USP35: variants seen among roughly 807,000 people sequenced by gnomAD.
USP35 encodes ubiquitin carboxyl-terminal hydrolase 35.
In USP35, 69 loss-of-function variants were observed where a neutral mutation model predicts 83.8. That is an observed-to-expected ratio of 0.82 (90% CI 0.68 to 1.01). The LOEUF is 1.01. USP35 is among the 50% of genes least tolerant of loss of function. USP35 has a pLI of 0.00. For missense variants in USP35, 1,503 were observed against 1,362.5 expected, an observed-to-expected ratio of 1.10 and a Z score of -1.62; for synonymous variants, 714 against 589.5, an observed-to-expected ratio of 1.21 and a Z score of -3.06.
intron 1 of USP35, among the ~76,000 whole-genome samples, chr11:78,190,005 G>T (rs1862953023): frequency 6.6e-6 from 1 of 152,180 alleles, no homozygotes; most frequent in Admixed American, 6.5e-5. Flanking sequence ...GGGAGGGGCA[G>T]CCTGGTACCC....
At chr11:78,197,693 C>T (rs545423486) in intron 2 of USP35, among the ~76,000 whole-genome samples, 1 of 152,070 alleles carries the variant, frequency 6.6e-6, no homozygotes, top group South Asian at 2.1e-4. Flanking sequence ...GCCCTGAAAC[C>T]CACTCTTGAT....
intron 10 of USP35, 141 bp downstream of exon 10, chr11:78,210,885 G>A: frequency 1.1e-6 from 1 of 883,492 alleles, no homozygotes; most frequent in Non-Finnish European, 1.6e-6. Context: ...GTATATACTG[G>A]TGGCCCAGAC....
At position 78,214,441 on chromosome 11, in the gene USP35, C is replaced by T. The variant is rs531313470; in HGVS notation, c.*628C>T. On this transcript the variant is annotated 3_prime_UTR_variant, in exon 11 of 11. Coordinates refer to ENST00000529308, the MANE Select transcript of USP35 (RefSeq NM_020798.4). ...GGCCTTTGCCCCCACAGCCCCTCCA[C>T]GCCTGCCTCAGGGCCTGAGAAGCCA... The T allele has an allele frequency of 4.0e-3, 605 of 152,398 alleles. 3 individuals are homozygous for T. Among genetic ancestry groups the T allele is most frequent in the Non-Finnish European group, 6.4e-3 (440 of 68,384 alleles). The allele number at this position is 152,398 out of a possible 1,614,324, so 9.4% of individuals were successfully genotyped here. A position where few individuals can be genotyped will look rare whatever the true frequency, so the allele number is the denominator to read the frequency against.
intron 3 of USP35, 145 bp from the exon 4 acceptor site, chr11:78,199,450 G>C (rs1863267436): frequency 1.6e-6 from 2 of 1,230,340 alleles, no homozygotes. Flanking sequence ...AGCCATGTCT[G>C]GTTCAGCCCA....
intron 6 of USP35, among the ~76,000 whole-genome samples, chr11:78,203,412 G>T (rs775366749): frequency 6.6e-6 from 1 of 152,038 alleles, no homozygotes; most frequent in Middle Eastern, 3.2e-3. Flanking sequence ...TGCACCACTC[G>T]GCTAGATCTG....
intron 7 of USP35, 99 bp from the exon 8 acceptor site, chr11:78,207,431 G>T (rs1284333073): frequency 1.7e-6 from 2 of 1,186,892 alleles, no homozygotes; most frequent in Non-Finnish European, 2.4e-6. Flanking sequence ...TGTCTGTTCT[G>T]CCTTTGGCCT....
At chr11:78,198,230 G>A (rs1013397125) in intron 3 of USP35, among the ~76,000 whole-genome samples, 162 bp downstream of exon 3, 6 of 152,250 alleles carry the variant, frequency 3.9e-5, no homozygotes, top group African/African-American at 1.4e-4. Flanking sequence ...CCTGCTCTGT[G>A]CCTTGCCTGG....
rs775585386 is a variant in USP35 at position 78,205,959 on chromosome 11, G to A, written c.1315G>A (p.Gly439Ser). 1.9e-6 allele frequency: 3 copies of A among 1,614,242 alleles called. No homozygotes were observed. The highest frequency in any genetic ancestry group is 2.5e-6 in the Non-Finnish European group (3 of 1,180,046). Residue 439 changes from glycine to serine, a missense_variant, in exon 7 of 11, where the codon GGC becomes AGC. Physicochemically the swap from Gly to Ser is moderately conservative, Grantham distance 56. Coordinates refer to ENST00000529308, the MANE Select transcript of USP35 (RefSeq NM_020798.4). ...YPRLMAKSDT[G>S]KIGLINLGNT... ...CCGGCTCATGGCCAAGTCAGACACG[G>A]GCAAGATTGGTCTCATCAACCTGGG...
At chr11:78,198,724 T>C (rs548167426) in intron 3 of USP35, 3 of 983,950 alleles carry the variant, frequency 3.0e-6, no homozygotes, top group East Asian at 2.3e-4. Context: ...TCGAGGTAAG[T>C]TGCTAGAGGT....
the USP35 span, among the ~76,000 whole-genome samples, chr11:78,231,373 G>GAGTCTC: frequency 5.3e-5 from 8 of 151,708 alleles, no homozygotes; most frequent in Non-Finnish European, 1.2e-4. Context: ...GTGTGTGTCG[G>GAGTCTC]AGTCTCATTC....
intron 8 of USP35, 21 bp from the exon 9 acceptor site, chr11:78,208,836 C>T: frequency 6.2e-7 from 1 of 1,613,884 alleles, no homozygotes; most frequent in Non-Finnish European, 8.5e-7. Context: ...CTGACCATGC[C>T]TTTCGCCTGC....
At chr11:78,220,972 T>TC in the USP35 span, among the ~76,000 whole-genome samples, 1 of 152,092 alleles carries the variant, frequency 6.6e-6, no homozygotes, top group African/African-American at 2.4e-5. Context: ...AGCAGCTTGC[T>TC]CCCCCGCCTA....
chr11:78,204,214 G>GATGGCTTCACATTTGTTCT (rs1863463816), intron 6 of USP35, among the ~76,000 whole-genome samples: 2 of 152,252 alleles, frequency 1.3e-5, no homozygotes, highest in South Asian at 4.1e-4. Flanking sequence ...TGTTAGAAAA[G>GATGGCTTCACATTTGTTCT]ATGGCTTCAC....
intron 6 of USP35, among the ~76,000 whole-genome samples, chr11:78,203,794 G>C (rs1252521948): frequency 6.6e-6 from 1 of 151,340 alleles, no homozygotes; most frequent in Non-Finnish European, 1.5e-5. Flanking sequence ...TAGCCAGGAT[G>C]GTCTCGATCT....
chr11:78,230,981 G>A, the USP35 span, among the ~76,000 whole-genome samples: 1 of 152,192 alleles, frequency 6.6e-6, no homozygotes, highest in African/African-American at 2.4e-5. Flanking sequence ...TTGGAGAGAG[G>A]CTTCTCTTCC....
At chr11:78,223,702 T>C in the USP35 span, 9 of 1,548,602 alleles carry the variant, frequency 5.8e-6, no homozygotes, top group Non-Finnish European at 7.9e-6. Context: ...GTGAAAGAAA[T>C]ACAGCTGTTA....
chr11:78,220,857 G>A, the USP35 span, among the ~76,000 whole-genome samples: 1 of 152,320 alleles, frequency 6.6e-6, no homozygotes, highest in Admixed American at 6.5e-5. Flanking sequence ...TGGCGCTTAA[G>A]AAAGGAGCAC....
Position 78,196,322 on chromosome 11 carries a change from T to C in USP35, c.77T>C (p.Leu26Pro). ...SVKQGLVRRV[L>P]EAARQPLERE... ...AAGCAGGGGCTGGTTCGGCGCGTGC[T>C]GGAGGCGGCGCGGCAGCCGCTGGAG... Residue 26 changes from leucine to proline, a missense_variant, in exon 2 of 11, where the codon CTG becomes CCG. Leu to Pro is a moderately conservative substitution (Grantham distance 98). Coordinates refer to ENST00000529308, the MANE Select transcript of USP35 (RefSeq NM_020798.4). This position sits in a 1 kb window ranked among gnomAD's most constrained non-coding sequence, Gnocchi z 4.8. 6.3e-7 allele frequency: 1 copy of C among 1,588,682 alleles called. No individual in the cohort carries two copies. Among genetic ancestry groups the C allele is most frequent in the Non-Finnish European group, 8.5e-7 (1 of 1,175,046 alleles).
At chr11:78,197,695 A>G (rs965016198) in intron 2 of USP35, among the ~76,000 whole-genome samples, 1 of 151,544 alleles carries the variant, frequency 6.6e-6, no homozygotes, top group African/African-American at 2.4e-5. Context: ...CCTGAAACCC[A>G]CTCTTGATCA....
Sources: gnomAD v4.1 joint callset for allele counts (sites outside exome capture counted in the v4.1 genomes callset) on GRCh38, gnomAD v4.1.1 for gene constraint, Gnocchi (gnomAD v3.1) non-coding constraint, MANE v1.5 for transcripts, NCBI Gene and HGNC (gene_info 2026-07-23, HGNC 2026-07-21) for gene names.